The following CENPI variants were observed in gnomAD, a reference collection of about 807,000 sequenced individuals.
CENPI encodes centromere protein I, also known as FSH primary response 1.
Under a neutral mutation model 60.4 loss-of-function variants are expected in CENPI, and 4 were observed. The observed-to-expected ratio is 0.07, with a 90% confidence interval of 0.03 to 0.15. The LOEUF (loss-of-function observed/expected upper bound fraction) is 0.15. CENPI is among the 10% of genes least tolerant of loss of function. CENPI has a pLI of 1.00. For synonymous variants in CENPI, 157 were observed against 189.4 expected, an observed-to-expected ratio of 0.83 and a Z score of 1.40; for missense variants, 444 against 534.5, an observed-to-expected ratio of 0.83 and a Z score of 1.67.
rs1177846892 is a variant in CENPI, at chrX:101,109,590, A to T, written c.482A>T (p.Lys161Met). Residue 161 changes from lysine to methionine, a missense_variant and splice_region_variant, in exon 5 of 22, where the codon AAG becomes ATG. Transcript: ENST00000682095. ...LCVGKCSGST[K>M]VLFYRWLVAM... The stretch of plus-strand genomic sequence containing the variant: ...GTTGGCAAGTGTTCTGGTAGCACCA[A>T]GGTAATCTTTTTAAACACTTTGATG... The T allele has an allele frequency of 8.5e-7, 1 of 1,176,616 alleles. No individual in the cohort carries two copies. The highest frequency in any genetic ancestry group is 2.2e-5 in the Admixed American group (1 of 45,681).
chrX:101,132,098 G>A, intron 13 of CENPI, 92 bp from the exon 14 acceptor site: 1 of 603,601 alleles, frequency 1.7e-6, no homozygotes, highest in South Asian at 3.0e-5. Flanking sequence ...TAAGAGTGAA[G>A]CAACTATAGC....
intron 15 of CENPI, among the ~76,000 whole-genome samples, chrX:101,139,866 A>G (rs1476656240): frequency 1.0e-5 from 1 of 99,513 alleles, no homozygotes; most frequent in Non-Finnish European, 2.0e-5. Context: ...AAAGAGTCTC[A>G]CTCTGTCACC....
In CENPI at chrX:101,114,753, C is replaced by G. The variant is rs191161344; in HGVS notation, c.591+4755C>G. Among the ~76,000 whole-genome samples the G allele has an allele frequency of 5.3e-4, 59 of 110,358 alleles. 1 individual carries two copies. The East Asian group carries it at 0.011, about 21-fold the overall frequency. On this transcript the variant is annotated intron_variant, in intron 6 of 21. Transcript: ENST00000682095. ...CTCCCAGGTCCAAGCGATTCTCCTG[C>G]CTCAGCCTCCTGAGTAGCTGGGATT...
In CENPI at chrX:101,109,871, G is replaced by GTAT; in HGVS notation, c.484-18_484-16dup. 1 of 1,082,830 alleles carries GTAT rather than the reference G, an allele frequency of 9.2e-7. No homozygotes were observed. Among genetic ancestry groups the GTAT allele is most frequent in the Non-Finnish European group, 1.3e-6 (1 of 780,135 alleles). The allele number at this position is 1,082,830 out of a possible 1,213,427, so 89.2% of individuals were successfully genotyped here. On this transcript the variant is annotated intron_variant, in intron 5 of 21. Transcript: ENST00000682095. ...ACCAGTTATATTTCTTTAAAGATAA[G>GTAT]TATTTTGTCTCTTCAATAGGTACTT...
the CENPI span, among the ~76,000 whole-genome samples, chrX:101,171,439 A>G: frequency 8.9e-6 from 1 of 112,155 alleles, no homozygotes; most frequent in Non-Finnish European, 1.9e-5. Flanking sequence ...CCAAACCAGA[A>G]AACTTTTTTT....
intron 20 of CENPI, among the ~76,000 whole-genome samples, chrX:101,156,916 G>A (rs1267868825): frequency 9.0e-6 from 1 of 111,121 alleles, no homozygotes; most frequent in African/African-American, 3.3e-5. Context: ...TGGGTGTTTG[G>A]GTTAGTTCCA....
the CENPI span, among the ~76,000 whole-genome samples, chrX:101,178,398 C>CTTTTTTTTTTTTTTTTTTTTT: frequency 1.1e-3 from 43 of 39,974 alleles, 6 homozygotes; most frequent in East Asian, 1.5e-3. Flanking sequence ...TTTTCTTCTT[C>CTTTTTTTTTTTTTTTTTTTTT]TTTTTTTTTT....
At chrX:101,108,730 A>G (rs7064600) in intron 4 of CENPI, among the ~76,000 whole-genome samples, 29,810 of 106,756 alleles carry the variant, frequency 0.28, 3,356 homozygotes, top group African/African-American at 0.36. Context: ...CTGCAGCCTC[A>G]ACCTCCCTGG....
At chrX:101,162,455 C>CAAA (rs1190768253) in intron 21 of CENPI, among the ~76,000 whole-genome samples, 18 of 53,923 alleles carry the variant, frequency 3.3e-4, no homozygotes, top group African/African-American at 7.5e-4. Flanking sequence ...AACCGTATCT[C>CAAA]AAAAAAAAAA....
intron 10 of CENPI, 86 bp downstream of exon 10, chrX:101,127,352 G>A: frequency 9.9e-7 from 1 of 1,006,977 alleles, no homozygotes. Flanking sequence ...GGAGATTATA[G>A]ATATTTAAGT....
chrX:101,163,020 A>G lies in CENPI; in HGVS notation c.*53A>G. 1 of 1,144,133 alleles carries G rather than the reference A, an allele frequency of 8.7e-7. No homozygotes were observed. Among genetic ancestry groups the G allele is most frequent in the East Asian group, 3.0e-5 (1 of 32,834 alleles). The allele number at this position is 1,144,133 out of a possible 1,213,427, so 94.3% of individuals were successfully genotyped here. A position where few individuals can be genotyped will look rare whatever the true frequency, so the allele number is the denominator to read the frequency against. ...TGGACTAAACTCACTCCTCATTGCT[A>G]GAGCAAAGTGGCTCATCTTGAGTTC... is the stretch of plus-strand genomic sequence containing the variant. On this transcript the variant is annotated 3_prime_UTR_variant, in exon 22 of 22. Coordinates refer to ENST00000682095, the MANE Select transcript of CENPI (RefSeq NM_001386188.2).
intron 1 of CENPI, 39 bp from the exon 2 acceptor site, chrX:101,098,405 G>A (rs1399916768): frequency 9.0e-6 from 1 of 111,123 alleles, no homozygotes; most frequent in Non-Finnish European, 1.9e-5. Flanking sequence ...GGTTCAACTG[G>A]GTGGGGTCAG....
At chrX:101,115,730 C>T (rs2089615002) in intron 6 of CENPI, among the ~76,000 whole-genome samples, 1 of 111,844 alleles carries the variant, frequency 8.9e-6, no homozygotes, top group African/African-American at 3.2e-5. Flanking sequence ...CAGTGTCATG[C>T]AAGCATCACC....
intron 4 of CENPI, among the ~76,000 whole-genome samples, chrX:101,103,339 CTTTG>C (rs751695721): frequency 6.4e-5 from 7 of 109,002 alleles, no homozygotes; most frequent in Non-Finnish European, 1.1e-4. Context: ...TCCTTTTAGA[CTTTG>C]TTTATTTATT....
chrX:101,143,953 G>A (rs1317959493), intron 16 of CENPI, among the ~76,000 whole-genome samples: 5 of 111,947 alleles, frequency 4.5e-5, no homozygotes, highest in African/African-American at 1.6e-4. Context: ...TATAGGAAAC[G>A]ATTCCTGAAG....
chrX:101,108,707 C>T (rs1296272108), intron 4 of CENPI, among the ~76,000 whole-genome samples: 1 of 107,697 alleles, frequency 9.3e-6, no homozygotes, highest in Non-Finnish European at 1.9e-5. Context: ...TGCAGTGGCA[C>T]GATCACAGCT....
At chrX:101,155,405 G>T (rs2090043723) in intron 20 of CENPI, among the ~76,000 whole-genome samples, 1 of 111,330 alleles carries the variant, frequency 9.0e-6, no homozygotes, top group South Asian at 3.8e-4. Context: ...GGCCAGGCTG[G>T]TCTCAAACTC....
At chrX:101,103,660 TA>T (rs1489475303) in intron 4 of CENPI, among the ~76,000 whole-genome samples, 2 of 112,150 alleles carry the variant, frequency 1.8e-5, no homozygotes, top group African/African-American at 3.2e-5. Context: ...GACTTTGAAT[TA>T]CATTGTTCAT....
chrX:101,177,923 G>T, the CENPI span, among the ~76,000 whole-genome samples: 1 of 112,339 alleles, frequency 8.9e-6, no homozygotes, highest in Non-Finnish European at 1.9e-5. Context: ...AGTCTGGTGA[G>T]TCTTAGCAAC....
Sources: allele counts gnomAD v4.1 joint callset (sites outside exome capture counted in the v4.1 genomes callset), GRCh38; gene constraint gnomAD v4.1.1; transcripts MANE v1.5; gene names NCBI Gene and HGNC (gene_info 2026-07-23, HGNC 2026-07-21).